Variants in CTNNA3 observed in about 807,000 individuals in gnomAD.
CTNNA3 encodes the protein catenin alpha 3.
Under a neutral mutation model 95.7 loss-of-function variants are expected in CTNNA3, and 76 were observed. The observed-to-expected ratio is 0.79, with a 90% CI of 0.66 to 0.96. The LOEUF is 0.96. CTNNA3 is among the 40% of genes least tolerant of loss of function. The pLI is 0.00. For missense variants in CTNNA3, 1,191 were observed against 1,089.8 expected (o/e 1.09, Z -1.31); for synonymous variants, 431 against 374.4 (o/e 1.15, Z -1.74).
At chr10:65,957,456 T>C (rs969060184) in intron 17 of CTNNA3, among the ~76,000 whole-genome samples, 1 of 152,168 alleles carries the variant, frequency 6.6e-6, no homozygotes, top group Non-Finnish European at 1.5e-5. Context: ...TTATTTTGCT[T>C]GTTAGTTGAT....
At chr10:66,556,937 A>T (rs1842409158) in intron 10 of CTNNA3, among the ~76,000 whole-genome samples, 1 of 152,114 alleles carries the variant, frequency 6.6e-6, no homozygotes, top group Non-Finnish European at 1.5e-5. Flanking sequence ...TGACTGTAGT[A>T]ATCAATTCAT....
chr10:66,982,720 A>C (rs1850511135), intron 7 of CTNNA3, among the ~76,000 whole-genome samples: 1 of 152,228 alleles, frequency 6.6e-6, no homozygotes, highest in Admixed American at 6.5e-5. Context: ...CTAAGTAATA[A>C]GACAAGGAAG....
intron 7 of CTNNA3, among the ~76,000 whole-genome samples, chr10:66,897,222 G>A (rs1451442901): frequency 6.6e-6 from 1 of 151,978 alleles, no homozygotes; most frequent in Non-Finnish European, 1.5e-5. Flanking sequence ...TATACAGTAT[G>A]CTACCTTTTA....
At chr10:67,297,109 T>C (rs780248184) in intron 5 of CTNNA3, among the ~76,000 whole-genome samples, 3 of 152,126 alleles carry the variant, frequency 2.0e-5, no homozygotes, top group Non-Finnish European at 2.9e-5. Context: ...GTGGACTCTC[T>C]GACCAAGCAA....
intron 5 of CTNNA3, among the ~76,000 whole-genome samples, chr10:67,473,639 A>C (rs149035300): frequency 6.6e-6 from 1 of 152,304 alleles, no homozygotes; most frequent in African/African-American, 2.4e-5. Flanking sequence ...ATATTCACAG[A>C]TTCCAAATCC....
rs942108923 is a variant in CTNNA3 at position 66,905,156 on chromosome 10, C to T, written c.1048-129632G>A. 3.3e-5 allele frequency among the ~76,000 whole-genome samples: 5 copies of T among 152,018 alleles called. No homozygotes were observed. The South Asian group carries it at 6.2e-4, about 19-fold the overall frequency. The stretch of plus-strand genomic sequence containing the variant: ...TCAATAATAGATTGGATTAAGAAAA[C>T]GTGGCACATATACACCATGGAATAC... On this transcript the variant is annotated intron_variant, in intron 7 of 17. Transcript: ENST00000433211.
intron 7 of CTNNA3, among the ~76,000 whole-genome samples, chr10:67,080,840 C>T (rs1196921190): frequency 6.6e-6 from 1 of 151,414 alleles, no homozygotes; most frequent in African/African-American, 2.4e-5. Context: ...ACCCGGGAGG[C>T]AGAGCTTGCA....
intron 12 of CTNNA3, among the ~76,000 whole-genome samples, chr10:66,302,860 ATACTATTCCATGCCC>A (rs2091882489): frequency 1.3e-5 from 2 of 152,126 alleles, no homozygotes; most frequent in African/African-American, 4.8e-5. Flanking sequence ...CAAAAGAAAG[ATACTATTCCATGCCC>A]AAATTAGATC....
intron 15 of CTNNA3, among the ~76,000 whole-genome samples, chr10:66,068,659 G>A (rs2080364995): frequency 1.3e-5 from 2 of 152,032 alleles, no homozygotes; most frequent in South Asian, 4.1e-4. Flanking sequence ...TCTGTACTGT[G>A]GCTTTTATAA....
chr10:66,837,131 C>T (rs1842912070), intron 7 of CTNNA3, among the ~76,000 whole-genome samples: 1 of 152,106 alleles, frequency 6.6e-6, no homozygotes, highest in African/African-American at 2.4e-5. Flanking sequence ...AAGACATTCT[C>T]TTGCCTTAAA....
At chr10:66,162,265 G>A (rs1190471922) in intron 13 of CTNNA3, among the ~76,000 whole-genome samples, 1 of 151,998 alleles carries the variant, frequency 6.6e-6, no homozygotes, top group Non-Finnish European at 1.5e-5. Flanking sequence ...TTTTTTGAGG[G>A]GATGTTGAAG....
intron 3 of CTNNA3, among the ~76,000 whole-genome samples, chr10:67,542,268 C>G (rs1042003440): frequency 6.6e-6 from 1 of 152,038 alleles, no homozygotes; most frequent in African/African-American, 2.4e-5. Flanking sequence ...CTTGGACCCC[C>G]CATTACCAAG....
intron 7 of CTNNA3, among the ~76,000 whole-genome samples, chr10:66,796,575 T>A (rs1451636226): frequency 1.3e-5 from 2 of 152,074 alleles, no homozygotes; most frequent in African/African-American, 4.8e-5. Flanking sequence ...GAGTTTATGC[T>A]GTTGGAAAAA....
chr10:66,009,461 G>T (rs1334733321), intron 15 of CTNNA3, among the ~76,000 whole-genome samples: 3 of 152,168 alleles, frequency 2.0e-5, no homozygotes, highest in African/African-American at 7.2e-5. Flanking sequence ...CTAAAGGAGA[G>T]TGTCAATGCC....
intron 7 of CTNNA3, among the ~76,000 whole-genome samples, chr10:67,116,582 GT>G (rs1859199842): frequency 6.6e-6 from 1 of 151,500 alleles, no homozygotes; most frequent in Non-Finnish European, 1.5e-5. Context: ...GAATTTGAGA[GT>G]CTGAGAGCAA....
intron 13 of CTNNA3, among the ~76,000 whole-genome samples, chr10:66,176,406 G>C (rs1038103300): frequency 6.6e-6 from 1 of 152,024 alleles, no homozygotes; most frequent in African/African-American, 2.4e-5. Context: ...ACTGCAAATA[G>C]TTTCTTATGA....
chr10:66,140,477 C>G (rs1757334764), intron 13 of CTNNA3, among the ~76,000 whole-genome samples: 3 of 152,174 alleles, frequency 2.0e-5, no homozygotes, highest in Admixed American at 2.0e-4. Context: ...ACCTGAAGAA[C>G]AGAGATCTAT....
chr10:67,704,297 A>G (rs1841063510), intron 1 of CTNNA3, among the ~76,000 whole-genome samples: 2 of 152,202 alleles, frequency 1.3e-5, no homozygotes, highest in Non-Finnish European at 2.9e-5. Flanking sequence ...GTATGGAACC[A>G]AAAAAGAGCC....
intron 12 of CTNNA3, among the ~76,000 whole-genome samples, chr10:66,317,153 A>C (rs898385738): frequency 1.4e-4 from 21 of 152,166 alleles, no homozygotes; most frequent in African/African-American, 3.9e-4. Context: ...ATAAAATACA[A>C]ATTTTAAGTT....
Sources: allele counts gnomAD v4.1 joint callset (sites outside exome capture counted in the v4.1 genomes callset), GRCh38; gene constraint gnomAD v4.1.1; transcripts MANE v1.5; gene names NCBI Gene and HGNC (gene_info 2026-07-23, HGNC 2026-07-21).